MAPK10: variants seen among roughly 807,000 people sequenced by gnomAD.
MAPK10 encodes mitogen-activated protein kinase 10.
Under a neutral mutation model 59.3 loss-of-function variants are expected in MAPK10, and 25 were observed. That is an observed-to-expected ratio of 0.42 (90% CI 0.31 to 0.59). MAPK10 has a LOEUF of 0.59. MAPK10 is among the 20% of genes least tolerant of loss of function. The pLI, the probability that MAPK10 is intolerant of heterozygous loss-of-function variation, is 0.15. For missense variants in MAPK10, 351 were observed against 568.9 expected (o/e 0.62, Z 3.90); for synonymous variants, 190 against 200.5 (o/e 0.95, Z 0.44).
At chr4:86,286,494 T>C (rs2095017801) in intron 2 of MAPK10, among the ~76,000 whole-genome samples, 2 of 152,228 alleles carry the variant, frequency 1.3e-5, no homozygotes, top group Admixed American at 1.3e-4. Flanking sequence ...TTTATATTAT[T>C]AACTCATTTA....
intron 1 of MAPK10, among the ~76,000 whole-genome samples, chr4:86,369,987 C>T (rs971819323): frequency 3.3e-5 from 5 of 152,080 alleles, no homozygotes; most frequent in African/African-American, 9.7e-5. Flanking sequence ...CCTAGCACAA[C>T]CCTTAGTAGA....
At chr4:86,395,681 T>C (rs1346510142) in intron 1 of MAPK10, among the ~76,000 whole-genome samples, 2 of 152,138 alleles carry the variant, frequency 1.3e-5, no homozygotes, top group East Asian at 3.9e-4. Context: ...AGATATTCAT[T>C]TCTCAAAGTT....
chr4:86,111,771 T>A (rs958183848), intron 4 of MAPK10, among the ~76,000 whole-genome samples: 1 of 152,186 alleles, frequency 6.6e-6, no homozygotes, highest in Non-Finnish European at 1.5e-5. Context: ...TCCCTCCTTT[T>A]CAATTGTTTG....
At chr4:86,101,003 C>G (rs756891408) in intron 8 of MAPK10, 49 bp downstream of exon 8, 1 of 1,544,726 alleles carries the variant, frequency 6.5e-7, no homozygotes, top group Admixed American at 1.7e-5. Flanking sequence ...CTACAACGTG[C>G]ACCCGTTTCA....
At chr4:86,116,281 T>C (rs2058281496) in intron 4 of MAPK10, among the ~76,000 whole-genome samples, 2 of 152,190 alleles carry the variant, frequency 1.3e-5, no homozygotes, top group Non-Finnish European at 1.5e-5. Flanking sequence ...ATTGTGATTG[T>C]CAGAAACTAC....
chr4:86,533,247 A>AG (rs1444491791), intron 1 of MAPK10, among the ~76,000 whole-genome samples: 3 of 152,044 alleles, frequency 2.0e-5, no homozygotes, highest in African/African-American at 4.8e-5. Context: ...GAGGGGTAAA[A>AG]GGGGGGGAAA....
At chr4:86,094,187 G>A (rs535480032) in intron 9 of MAPK10, among the ~76,000 whole-genome samples, 10 of 152,026 alleles carry the variant, frequency 6.6e-5, no homozygotes, top group African/African-American at 1.9e-4. Context: ...CCTTCCTAAT[G>A]TTCATATTCA....
At chr4:86,556,293 G>T (rs1440230251) in intron 1 of MAPK10, among the ~76,000 whole-genome samples, 3 of 152,126 alleles carry the variant, frequency 2.0e-5, no homozygotes, top group African/African-American at 4.8e-5. Context: ...TGAGGACAAA[G>T]AACTTTTATT....
chr4:86,562,325 A>G (rs1051981919), intron 1 of MAPK10, among the ~76,000 whole-genome samples: 2 of 151,968 alleles, frequency 1.3e-5, no homozygotes, highest in African/African-American at 4.8e-5. Flanking sequence ...TTTTGGAATA[A>G]AGTTTTAATT....
intron 2 of MAPK10, among the ~76,000 whole-genome samples, chr4:86,232,834 AATTTTTCT>A (rs1426017400): frequency 1.3e-5 from 2 of 151,950 alleles, no homozygotes; most frequent in Non-Finnish European, 2.9e-5. Context: ...TCTTCTATTT[AATTTTTCT>A]TAACTTCTAT....
chr4:86,251,324 C>A (rs181246460), intron 2 of MAPK10, among the ~76,000 whole-genome samples: 1 of 151,968 alleles, frequency 6.6e-6, no homozygotes, highest in East Asian at 1.9e-4. Context: ...ATCCCTCCCC[C>A]CTCCTCCCTC....
At chr4:86,551,229 T>G (rs1759749583) in intron 1 of MAPK10, among the ~76,000 whole-genome samples, 1 of 152,184 alleles carries the variant, frequency 6.6e-6, no homozygotes, top group Non-Finnish European at 1.5e-5. Context: ...TTACATTACT[T>G]TAAAGAAATG....
intron 1 of MAPK10, among the ~76,000 whole-genome samples, chr4:86,432,306 G>A (rs1218452973): frequency 6.6e-6 from 1 of 152,090 alleles, no homozygotes; most frequent in African/African-American, 2.4e-5. Flanking sequence ...ATGGAATCTT[G>A]CCCTGTCACT....
intron 2 of MAPK10, 117 bp from the exon 3 acceptor site, chr4:86,194,524 A>C: frequency 1.5e-6 from 1 of 685,432 alleles, no homozygotes; most frequent in Non-Finnish European, 2.6e-6. Context: ...ACATATCTCC[A>C]ACATAATCCT....
At chr4:86,496,216 T>C (rs1387258552) in intron 1 of MAPK10, among the ~76,000 whole-genome samples, 1 of 152,202 alleles carries the variant, frequency 6.6e-6, no homozygotes, top group Non-Finnish European at 1.5e-5. Context: ...GAGACTTAGA[T>C]GTTGAAAACT....
chr4:86,310,779 G>T (rs1008482171), intron 2 of MAPK10, among the ~76,000 whole-genome samples: 1 of 151,896 alleles, frequency 6.6e-6, no homozygotes, highest in Non-Finnish European at 1.5e-5. Context: ...ATTTCTCACT[G>T]TGTGATTTAG....
chr4:86,349,927 A>G (rs996318560), intron 2 of MAPK10, among the ~76,000 whole-genome samples: 3 of 152,224 alleles, frequency 2.0e-5, no homozygotes. Context: ...AACAGCATGA[A>G]GTAAATCACA....
chr4:86,163,864 C>T (rs2070717737), intron 3 of MAPK10, among the ~76,000 whole-genome samples: 1 of 152,164 alleles, frequency 6.6e-6, no homozygotes, highest in Non-Finnish European at 1.5e-5. Context: ...TCCTTGGTAT[C>T]AGCACCTGAG....
intron 9 of MAPK10, among the ~76,000 whole-genome samples, chr4:86,068,257 T>C (rs909469565): frequency 1.3e-5 from 2 of 152,190 alleles, no homozygotes; most frequent in Non-Finnish European, 2.9e-5. Flanking sequence ...ATGAATCTCA[T>C]ATTCTGCAGA....
Sources: gnomAD v4.1 joint callset for allele counts (sites outside exome capture counted in the v4.1 genomes callset) on GRCh38, gnomAD v4.1.1 for gene constraint, MANE v1.5 for transcripts, NCBI Gene and HGNC (gene_info 2026-07-23, HGNC 2026-07-21) for gene names.